The following ADCY8 variants were observed in gnomAD, a reference collection of about 807,000 sequenced individuals.
ADCY8 encodes the protein adenylate cyclase type 8.
ADCY8 carries 51 observed loss-of-function variants against 119.7 expected under a neutral mutation model. The ratio of observed to expected loss-of-function variants is 0.43; its 90% CI spans 0.34 to 0.54. The LOEUF (loss-of-function observed/expected upper bound fraction) is 0.54, where lower values mean the gene tolerates loss of function less well. Ranked by LOEUF, ADCY8 falls within the 20% of genes least tolerant of loss-of-function variation. The pLI, the probability that ADCY8 is intolerant of heterozygous loss-of-function variation, is 0.03. For synonymous variants in ADCY8, 665 were observed against 651.0 expected, an observed-to-expected ratio of 1.02 and a Z score of -0.33; for missense variants, 1,383 against 1,598.8, an observed-to-expected ratio of 0.87 and a Z score of 2.30.
chr8:130,918,013 GCC>G (rs1820182142), intron 5 of ADCY8, among the ~76,000 whole-genome samples: 2 of 152,086 alleles, frequency 1.3e-5, no homozygotes, highest in African/African-American at 4.8e-5. Context: ...CTGGGTTGGG[GCC>G]ATCGTTTCTT....
At chr8:131,010,145 T>C (rs1285393641) in intron 1 of ADCY8, among the ~76,000 whole-genome samples, 3 of 152,226 alleles carry the variant, frequency 2.0e-5, no homozygotes, top group African/African-American at 7.2e-5. Context: ...ATCCATTTCA[T>C]GTCAATATGT....
chr8:130,997,611 T>C (rs1822820056), intron 1 of ADCY8, among the ~76,000 whole-genome samples: 2 of 152,310 alleles, frequency 1.3e-5, no homozygotes, highest in South Asian at 2.1e-4. Flanking sequence ...TCTCCTGATA[T>C]TGGCCAGTAA....
intron 12 of ADCY8, among the ~76,000 whole-genome samples, chr8:130,828,631 C>G (rs1816737592): frequency 6.6e-6 from 1 of 152,184 alleles, no homozygotes; most frequent in South Asian, 2.1e-4. Context: ...TGCCCCTCTA[C>G]TAAAAACCAG....
intron 12 of ADCY8, among the ~76,000 whole-genome samples, chr8:130,825,601 T>C (rs906438938): frequency 1.1e-4 from 17 of 152,172 alleles, no homozygotes; most frequent in African/African-American, 3.9e-4. Context: ...AAAGTTCCTG[T>C]TTTAAGGCTG....
intron 10 of ADCY8, among the ~76,000 whole-genome samples, chr8:130,848,196 GTCTA>G (rs1446683588): frequency 6.6e-6 from 1 of 152,114 alleles, no homozygotes; most frequent in African/African-American, 2.4e-5. Flanking sequence ...TTGAACACAG[GTCTA>G]TCTGACTCCA....
intron 12 of ADCY8, among the ~76,000 whole-genome samples, chr8:130,824,253 G>T (rs1422870818): frequency 6.6e-6 from 1 of 152,142 alleles, no homozygotes; most frequent in African/African-American, 2.4e-5. Flanking sequence ...AATAATGACT[G>T]TAAGTGCTAA....
At chr8:130,960,460 A>G (rs62518146) in intron 2 of ADCY8, among the ~76,000 whole-genome samples, 119,177 of 151,922 alleles carry the variant, frequency 0.78, 50,142 homozygotes, top group East Asian at 0.95. Context: ...TTATCCTGGG[A>G]ATATCATTAT....
chr8:130,854,596 C>A (rs1404722557), intron 9 of ADCY8, among the ~76,000 whole-genome samples: 1 of 152,148 alleles, frequency 6.6e-6, no homozygotes, highest in East Asian at 1.9e-4. Flanking sequence ...TAAGCCCTTT[C>A]AACAGATGAA....
At chr8:130,858,811 T>C (rs1817831038) in intron 9 of ADCY8, among the ~76,000 whole-genome samples, 1 of 152,218 alleles carries the variant, frequency 6.6e-6, no homozygotes, top group Non-Finnish European at 1.5e-5. Flanking sequence ...ACATTGTTTA[T>C]TTTGTTGCTC....
intron 12 of ADCY8, among the ~76,000 whole-genome samples, chr8:130,827,858 CA>C (rs1334292494): frequency 8.5e-5 from 13 of 152,310 alleles, no homozygotes; most frequent in African/African-American, 3.1e-4. Context: ...AAAATCAAAT[CA>C]ATAACAGGCA....
intron 5 of ADCY8, among the ~76,000 whole-genome samples, chr8:130,932,485 TC>T (rs1820660716): frequency 6.6e-6 from 1 of 152,100 alleles, no homozygotes. Flanking sequence ...CCCACTTCCT[TC>T]TCTTTTCCCC....
At chr8:130,812,684 A>G (rs889518541) in intron 14 of ADCY8, among the ~76,000 whole-genome samples, 1 of 152,218 alleles carries the variant, frequency 6.6e-6, no homozygotes, top group Admixed American at 6.5e-5. Context: ...AGACTTCTAG[A>G]CTGCCTTCAT....
In ADCY8 at chr8:130,810,932, G is replaced by A. The variant is rs144618628; in HGVS notation, c.2913+3137C>T. Among the ~76,000 whole-genome samples, 246 of 152,110 alleles carry A rather than the reference G, an allele frequency of 1.6e-3. 1 individual carries two copies. The highest frequency in any genetic ancestry group is 4.6e-3 in the South Asian group (22 of 4,794). ...CTGGTCCTATGTGCCTCACTGTTTC[G>A]GTGTCTTGATTAAAAAGCTGTTTTT... On this transcript the variant is annotated intron_variant, in intron 14 of 17. Coordinates refer to ENST00000286355, the MANE Select transcript of ADCY8 (RefSeq NM_001115.3).
chr8:130,922,673 T>C (rs562067795), intron 5 of ADCY8, among the ~76,000 whole-genome samples: 1 of 152,332 alleles, frequency 6.6e-6, no homozygotes, highest in South Asian at 2.1e-4. Flanking sequence ...CCCCTTTCTA[T>C]TCCACAAAAC....
intron 1 of ADCY8, among the ~76,000 whole-genome samples, chr8:131,017,139 G>A (rs958843236): frequency 4.0e-5 from 6 of 151,406 alleles, no homozygotes; most frequent in African/African-American, 1.5e-4. Context: ...GCATGATCTC[G>A]GTTCACTGCA....
intron 8 of ADCY8, among the ~76,000 whole-genome samples, chr8:130,874,408 A>G (rs987303074): frequency 1.3e-5 from 2 of 152,172 alleles, no homozygotes; most frequent in African/African-American, 4.8e-5. Flanking sequence ...ATTTTCAGTA[A>G]TTTTTGAATT....
At chr8:130,906,554 A>C (rs563760761) in intron 6 of ADCY8, among the ~76,000 whole-genome samples, 2 of 152,272 alleles carry the variant, frequency 1.3e-5, no homozygotes, top group Non-Finnish European at 2.9e-5. Context: ...ATGTTTTGGT[A>C]GAAACTGGGT....
At chr8:130,956,367 C>T (rs772134663) in intron 2 of ADCY8, among the ~76,000 whole-genome samples, 6 of 152,172 alleles carry the variant, frequency 3.9e-5, no homozygotes, top group Non-Finnish European at 5.9e-5. Context: ...CACTACAATG[C>T]GTGCTACTGT....
intron 15 of ADCY8, among the ~76,000 whole-genome samples, 155 bp from the exon 16 acceptor site, chr8:130,785,630 C>T (rs548636233): frequency 6.6e-6 from 1 of 152,304 alleles, no homozygotes; most frequent in Non-Finnish European, 1.5e-5. Context: ...TGCTTTCAGC[C>T]AGTCACATAT....
Sources: allele counts gnomAD v4.1 joint callset (sites outside exome capture counted in the v4.1 genomes callset), GRCh38; gene constraint gnomAD v4.1.1; transcripts MANE v1.5; gene names NCBI Gene and HGNC (gene_info 2026-07-23, HGNC 2026-07-21).